The following MAN2B2 variants were observed in gnomAD, a reference collection of about 807,000 sequenced individuals.
The protein encoded by MAN2B2 is mannosidase alpha class 2B member 2.
In MAN2B2, 106 loss-of-function variants were observed where a neutral mutation model predicts 117.1. That is an observed-to-expected ratio of 0.90 (90% CI 0.77 to 1.06). The LOEUF is 1.06. MAN2B2 is among the 50% of genes least tolerant of loss of function. MAN2B2 has a pLI of 0.00. For synonymous variants in MAN2B2, 544 were observed against 595.1 expected, an observed-to-expected ratio of 0.91 and a Z score of 1.25; for missense variants, 1,326 against 1,381.4, an observed-to-expected ratio of 0.96 and a Z score of 0.64.
chr4:6,576,907 A>G (rs1434216952), intron 2 of MAN2B2, among the ~76,000 whole-genome samples, 183 bp downstream of exon 2: 1 of 152,188 alleles, frequency 6.6e-6, no homozygotes, highest in Non-Finnish European at 1.5e-5. Flanking sequence ...CATGCCTGGG[A>G]GAGATTGCTT....
chr4:6,603,463 A>T (rs540072705), intron 10 of MAN2B2, among the ~76,000 whole-genome samples: 54 of 152,230 alleles, frequency 3.5e-4, no homozygotes, highest in Non-Finnish European at 6.9e-4. Flanking sequence ...CTCGGCTGGA[A>T]CTGAGACCGA....
intron 16 of MAN2B2, 32 bp downstream of exon 16, chr4:6,614,387 C>A (rs763349838): frequency 6.2e-7 from 1 of 1,606,188 alleles, no homozygotes; most frequent in Admixed American, 1.7e-5. Flanking sequence ...CTCAGACCTG[C>A]TCCTCCCTCC....
chr4:6,616,673 G>A (rs1004274259), intron 16 of MAN2B2, among the ~76,000 whole-genome samples: 3 of 152,184 alleles, frequency 2.0e-5, no homozygotes, highest in Non-Finnish European at 2.9e-5. Flanking sequence ...AAGGGGGCAG[G>A]GTAGGAGAGA....
chr4:6,607,230 G>C (rs1029646678), intron 11 of MAN2B2, among the ~76,000 whole-genome samples: 3 of 152,136 alleles, frequency 2.0e-5, no homozygotes, highest in African/African-American at 7.2e-5. Flanking sequence ...GATTGAGAGA[G>C]TCTCACTCTG....
At chr4:6,617,074 C>T (rs546615762) in intron 16 of MAN2B2, among the ~76,000 whole-genome samples, 8 of 152,270 alleles carry the variant, frequency 5.3e-5, no homozygotes, top group South Asian at 4.2e-4. Context: ...GGCAAGAGAG[C>T]GTGTGCAGGG....
intron 10 of MAN2B2, among the ~76,000 whole-genome samples, chr4:6,604,525 T>G (rs1483282130): frequency 7.3e-5 from 10 of 137,664 alleles, no homozygotes; most frequent in African/African-American, 1.4e-4. Flanking sequence ...GACTAGGGGG[T>G]AGGGGTGGAG....
chr4:6,582,072 C>T (rs1213643984), intron 3 of MAN2B2, among the ~76,000 whole-genome samples: 1 of 151,986 alleles, frequency 6.6e-6, no homozygotes, highest in East Asian at 1.9e-4. Flanking sequence ...AACCCCTCAC[C>T]CCTATCCTGA....
rs746470200 is a variant in MAN2B2 at position 6,578,467 on chromosome 4, G to A, written c.360G>A (p.Thr120=). The change falls in exon 3 of 19, where the codon ACG becomes ACA. Residue 120 remains threonine (T), a synonymous_variant. Transcript: ENST00000285599. ...AGGTCATGCATGACGAGGCTGTGAC[G>A]CACCTTGATGACCAGATCCTGCAGC... The part of the protein sequence containing the change: ...GGQVMHDEAV[T]HLDDQILQLT... 6.8e-6 allele frequency: 11 copies of A among 1,613,410 alleles called. No individual in the cohort carries two copies. Among genetic ancestry groups the A allele is most frequent in the Non-Finnish European group, 7.6e-6 (9 of 1,179,692 alleles).
chr4:6,579,159 T>TCAC (rs1246929628), intron 3 of MAN2B2, among the ~76,000 whole-genome samples: 1 of 18,060 alleles, frequency 5.5e-5, no homozygotes, highest in Non-Finnish European at 1.3e-4. Context: ...ACCATCACCA[T>TCAC]CACCACCACC....
intron 1 of MAN2B2, among the ~76,000 whole-genome samples, chr4:6,575,828 G>A (rs1022614589): frequency 6.6e-6 from 1 of 152,210 alleles, no homozygotes; most frequent in South Asian, 2.1e-4. Context: ...TGGGCGAGGG[G>A]CTTTGGTCCC....
chr4:6,578,580 G>A, intron 3 of MAN2B2, 82 bp downstream of exon 3: 1 of 1,188,210 alleles, frequency 8.4e-7, no homozygotes, highest in South Asian at 1.3e-5. Flanking sequence ...CCCAGGTTCT[G>A]AGCTCTGTCT....
chr4:6,613,144 C>T (rs1240214328), intron 15 of MAN2B2, among the ~76,000 whole-genome samples: 1 of 152,190 alleles, frequency 6.6e-6, no homozygotes, highest in Non-Finnish European at 1.5e-5. Context: ...CATGCCTGGA[C>T]CAATCAGCAT....
At chr4:6,610,449 G>A (rs1452374302) in intron 13 of MAN2B2, among the ~76,000 whole-genome samples, 3 of 152,172 alleles carry the variant, frequency 2.0e-5, no homozygotes, top group African/African-American at 4.8e-5. Context: ...GAGCCACCGC[G>A]CCCGGCCTCC....
intron 13 of MAN2B2, among the ~76,000 whole-genome samples, 174 bp downstream of exon 13, chr4:6,610,224 T>G (rs778886665): frequency 3.5e-4 from 54 of 152,194 alleles, no homozygotes; most frequent in Non-Finnish European, 6.3e-4. Flanking sequence ...TGGAGCGATC[T>G]TGGCTCACTG....
At position 6,593,551 on chromosome 4, in the gene MAN2B2, C is replaced by T. The variant is rs561434631; in HGVS notation, c.858+201C>T. Among the ~76,000 whole-genome samples, 59 of 152,362 alleles carry T rather than the reference C, an allele frequency of 3.9e-4. No homozygotes were observed. In the South Asian group the frequency reaches 7.0e-3, roughly 18 times the overall value. ...TCCCCCACCTGGAAAAGCACCCTCA[C>T]CCACGCTGGCCTCTCCAGCTCCCAC... is the stretch of plus-strand genomic sequence containing the variant. On this transcript the variant is annotated intron_variant, in intron 6 of 18. Coordinates refer to ENST00000285599, the MANE Select transcript of MAN2B2 (RefSeq NM_015274.3).
At chr4:6,579,201 C>CTT (rs1560634661) in intron 3 of MAN2B2, among the ~76,000 whole-genome samples, 3 of 67,542 alleles carry the variant, frequency 4.4e-5, no homozygotes, top group Admixed American at 1.5e-4. Context: ...AGCACCACCA[C>CTT]CATCACCATC....
intron 16 of MAN2B2, among the ~76,000 whole-genome samples, chr4:6,616,523 G>GC (rs998842599): frequency 2.0e-5 from 3 of 152,114 alleles, no homozygotes; most frequent in South Asian, 2.1e-4. Flanking sequence ...TGGCCACCAC[G>GC]CCCCCCGCTG....
Position 6,609,317 on chromosome 4 carries a change from C to CCCCCACAGCCCGGCACA in MAN2B2, c.2006+21_2006+37dup. ...TCTACAGGTGCTTCCCCTGGGGTGA[C>CCCCCACAGCCCGGCACA]CCCCACAGCCCGGCACACAGTCAGC... is the stretch of plus-strand genomic sequence containing the variant. On this transcript the variant is annotated intron_variant, in intron 12 of 18. Transcript: ENST00000285599. 1.2e-6 allele frequency: 2 copies of CCCCCACAGCCCGGCACA among 1,608,030 alleles called. No individual in the cohort carries two copies. Among genetic ancestry groups the CCCCCACAGCCCGGCACA allele is most frequent in the Non-Finnish European group, 1.7e-6 (2 of 1,176,260 alleles).
At chr4:6,597,628 A>C (rs747525675) in intron 8 of MAN2B2, among the ~76,000 whole-genome samples, 11 of 152,244 alleles carry the variant, frequency 7.2e-5, no homozygotes, top group Non-Finnish European at 1.2e-4. Flanking sequence ...TGTCAGGCAC[A>C]TGATTCCCAC....
Sources: allele counts gnomAD v4.1 joint callset (sites outside exome capture counted in the v4.1 genomes callset), GRCh38; gene constraint gnomAD v4.1.1; transcripts MANE v1.5; gene names NCBI Gene and HGNC (gene_info 2026-07-23, HGNC 2026-07-21).